CTNNA2: variants seen among roughly 807,000 people sequenced by gnomAD.
The protein encoded by CTNNA2 is catenin alpha 2.
CTNNA2 carries 42 observed loss-of-function variants against 101.0 expected under a neutral mutation model. That is an observed-to-expected ratio of 0.42 (90% confidence interval 0.32 to 0.54). The LOEUF is 0.54. Among genes scored for constraint, CTNNA2 ranks in the 20% least tolerant of loss-of-function variants. The pLI, the probability that CTNNA2 is intolerant of heterozygous loss-of-function variation, is 0.14. For synonymous variants in CTNNA2, 450 were observed against 456.4 expected (o/e 0.99, Z 0.18); for missense variants, 871 against 1,223.1 (o/e 0.71, Z 4.29).
At chr2:80,016,006 T>C (rs112120662) in intron 7 of CTNNA2, among the ~76,000 whole-genome samples, 6 of 152,298 alleles carry the variant, frequency 3.9e-5, no homozygotes, top group African/African-American at 1.4e-4. Flanking sequence ...CTCAGCAATT[T>C]AGAGTCATTT....
intron 7 of CTNNA2, among the ~76,000 whole-genome samples, chr2:80,192,175 T>G (rs6547296): frequency 0.24 from 37,106 of 152,156 alleles, 7,393 homozygotes; most frequent in African/African-American, 0.55. Context: ...CCATCTCATT[T>G]TCACACTGAT....
chr2:80,521,683 G>C (rs1689566501), intron 9 of CTNNA2, among the ~76,000 whole-genome samples: 1 of 152,114 alleles, frequency 6.6e-6, no homozygotes, highest in African/African-American at 2.4e-5. Flanking sequence ...CTAGGAGTGG[G>C]AGAAGACAAG....
chr2:79,481,306 G>C (rs1671107285), intron 4 of CTNNA2, among the ~76,000 whole-genome samples: 1 of 152,038 alleles, frequency 6.6e-6, no homozygotes, highest in Non-Finnish European at 1.5e-5. Flanking sequence ...TTAATGAAAA[G>C]ACAACAAAAA....
intron 7 of CTNNA2, among the ~76,000 whole-genome samples, chr2:79,932,137 A>G (rs984069237): frequency 2.0e-5 from 3 of 152,054 alleles, no homozygotes; most frequent in Non-Finnish European, 2.9e-5. Flanking sequence ...GAGTGGAGCA[A>G]CTCTTACTGT....
intron 7 of CTNNA2, among the ~76,000 whole-genome samples, chr2:79,991,694 A>T (rs1476849655): frequency 1.3e-5 from 2 of 152,140 alleles, no homozygotes; most frequent in Non-Finnish European, 2.9e-5. Context: ...CTAAATCTAG[A>T]ATAAAGTTGC....
At chr2:79,344,519 G>T (rs550979104) in intron 3 of CTNNA2, among the ~76,000 whole-genome samples, 3 of 151,780 alleles carry the variant, frequency 2.0e-5, no homozygotes, top group African/African-American at 7.3e-5. Context: ...TTAATGAAAC[G>T]CAATAGCCTC....
intron 2 of CTNNA2, among the ~76,000 whole-genome samples, chr2:79,258,439 G>A (rs182481062): frequency 3.3e-5 from 5 of 152,210 alleles, no homozygotes; most frequent in South Asian, 2.1e-4. Context: ...GCATGAAAGC[G>A]CTTTGAAAAT....
intron 2 of CTNNA2, among the ~76,000 whole-genome samples, chr2:79,734,065 A>T (rs1471109171): frequency 6.6e-6 from 1 of 152,156 alleles, no homozygotes; most frequent in East Asian, 1.9e-4. Flanking sequence ...ATAGTGATTC[A>T]TCAATGGAAT....
At chr2:79,947,917 G>T (rs1688613819) in intron 7 of CTNNA2, among the ~76,000 whole-genome samples, 1 of 152,156 alleles carries the variant, frequency 6.6e-6, no homozygotes, top group Admixed American at 6.5e-5. Context: ...GGTAAAAAAT[G>T]AAGGCAGCAA....
At chr2:79,555,006 C>A (rs1674355252) in intron 1 of CTNNA2, among the ~76,000 whole-genome samples, 1 of 152,066 alleles carries the variant, frequency 6.6e-6, no homozygotes, top group South Asian at 2.1e-4. Flanking sequence ...AACAAAAGAG[C>A]CCTTAGAGGC....
At chr2:80,256,359 A>AG (rs1260624300) in intron 7 of CTNNA2, among the ~76,000 whole-genome samples, 2 of 152,132 alleles carry the variant, frequency 1.3e-5, no homozygotes, top group African/African-American at 4.8e-5. Context: ...GTGTGTTAGT[A>AG]GCTCCTCTGT....
At chr2:79,219,020 G>C (rs1529789) in intron 2 of CTNNA2, among the ~76,000 whole-genome samples, 22 of 152,064 alleles carry the variant, frequency 1.4e-4, no homozygotes, top group African/African-American at 4.1e-4. Context: ...GTGTGTGTAT[G>C]TATGTATAGT....
intron 1 of CTNNA2, among the ~76,000 whole-genome samples, chr2:79,193,311 A>G (rs998430558): frequency 2.6e-5 from 4 of 152,138 alleles, no homozygotes; most frequent in Non-Finnish European, 5.9e-5. Context: ...CACCTATGTG[A>G]CTGTGGTCCC....
chr2:79,263,358 G>T (rs1674947352), intron 2 of CTNNA2, among the ~76,000 whole-genome samples: 1 of 152,090 alleles, frequency 6.6e-6, no homozygotes, highest in Non-Finnish European at 1.5e-5. Context: ...TTGTTTAAAA[G>T]AGTGTAACAT....
At chr2:80,509,417 A>G (rs1165097769) in intron 9 of CTNNA2, among the ~76,000 whole-genome samples, 1 of 152,178 alleles carries the variant, frequency 6.6e-6, no homozygotes, top group African/African-American at 2.4e-5. Context: ...ATACACCATG[A>G]AGTAATACTC....
At chr2:80,568,713 G>C (rs1694287950) in intron 12 of CTNNA2, among the ~76,000 whole-genome samples, 1 of 152,168 alleles carries the variant, frequency 6.6e-6, no homozygotes, top group South Asian at 2.1e-4. Context: ...TGAAGATTGA[G>C]TAGGAGTTCA....
intron 3 of CTNNA2, among the ~76,000 whole-genome samples, chr2:79,769,766 T>G (rs1022357170): frequency 2.0e-5 from 3 of 152,202 alleles, no homozygotes; most frequent in Admixed American, 6.5e-5. Flanking sequence ...AGTTCTCCAA[T>G]GGAGGAAATA....
chr2:79,871,240 G>A (rs1447951142), intron 5 of CTNNA2, among the ~76,000 whole-genome samples: 3 of 152,188 alleles, frequency 2.0e-5, no homozygotes, highest in Non-Finnish European at 4.4e-5. Context: ...CTTAAGTGAG[G>A]CTGGGATTAG....
intron 7 of CTNNA2, among the ~76,000 whole-genome samples, chr2:79,951,083 T>A (rs767977853): frequency 3.5e-4 from 54 of 152,312 alleles, no homozygotes; most frequent in Non-Finnish European, 6.3e-4. Flanking sequence ...ATCAGAGAAT[T>A]TTTAAAGGAT....
Sources: gnomAD v4.1 joint callset for allele counts (sites outside exome capture counted in the v4.1 genomes callset) on GRCh38, gnomAD v4.1.1 for gene constraint, MANE v1.5 for transcripts, NCBI Gene and HGNC (gene_info 2026-07-23, HGNC 2026-07-21) for gene names.